The following SLC12A5 variants were observed in gnomAD, a reference collection of about 807,000 sequenced individuals.
SLC12A5 encodes solute carrier family 12 member 5.
SLC12A5 carries 18 observed loss-of-function variants against 124.0 expected under a neutral mutation model. That is an observed-to-expected ratio of 0.15 (90% CI 0.10 to 0.22). The LOEUF (loss-of-function observed/expected upper bound fraction) is 0.22, where lower values mean the gene tolerates loss of function less well. Ranked by LOEUF, SLC12A5 falls within the 10% of genes least tolerant of loss-of-function variation. The pLI is 1.00. For synonymous variants in SLC12A5, 589 were observed against 568.0 expected (o/e 1.04, Z -0.53); for missense variants, 867 against 1,478.7 (o/e 0.59, Z 6.78).
intron 11 of SLC12A5, chr20:46,044,660 G>C (rs946701712): frequency 1.0e-4 from 41 of 394,452 alleles, no homozygotes; most frequent in Non-Finnish European, 1.4e-4. Context: ...GGTGGTGTAG[G>C]AGGTCCTCTC....
At chr20:46,023,672 T>C (rs1174043122), downstream of SLC12A5, 2 of 387,218 alleles carry the variant, frequency 5.2e-6, no homozygotes, top group Non-Finnish European at 9.1e-6. Context: ...CTATTCGTTC[T>C]GTAAGTTATA....
chr20:46,044,621 T>A (rs926282692), intron 11 of SLC12A5: 41 of 298,282 alleles, frequency 1.4e-4, no homozygotes, highest in Non-Finnish European at 2.0e-4. Context: ...CACTCATGTC[T>A]GAAGGGCATG....
At chr20:46,043,123 C>T (rs760072552) in intron 8 of SLC12A5, 30 bp from the exon 9 acceptor site, 35 of 1,605,884 alleles carry the variant, frequency 2.2e-5, no homozygotes, top group Non-Finnish European at 4.3e-6. Flanking sequence ...TTATGGCTGG[C>T]CTCCCCCTGA....
chr20:46,035,065 C>A, intron 2 of SLC12A5, 23 bp downstream of exon 2: 1 of 1,606,212 alleles, frequency 6.2e-7, no homozygotes, highest in Non-Finnish European at 8.5e-7. Context: ...GGCTGTTGGG[C>A]CCCCACCTAC....
intron 20 of SLC12A5, 86 bp from the exon 21 acceptor site, chr20:46,054,830 C>T: frequency 3.3e-6 from 3 of 919,898 alleles, no homozygotes; most frequent in Admixed American, 2.0e-5. Context: ...CCTTCCTTCC[C>T]TTGGCCTTTC....
intron 8 of SLC12A5, 139 bp downstream of exon 8, chr20:46,041,679 G>A (rs1010215987): frequency 1.2e-6 from 1 of 855,752 alleles, no homozygotes; most frequent in Admixed American, 2.5e-5. Flanking sequence ...GTTACATTCT[G>A]TCCTTGGCAT....
At chr20:46,040,709 A>C (rs2084538380) in intron 7 of SLC12A5, 95 bp downstream of exon 7, 1 of 1,548,790 alleles carries the variant, frequency 6.5e-7, no homozygotes, top group Admixed American at 1.8e-5. Context: ...TGCCCCTCAG[A>C]ATCTCAGAGT....
chr20:46,040,331 C>A, intron 6 of SLC12A5, 42 bp from the exon 7 acceptor site: 1 of 1,607,514 alleles, frequency 6.2e-7, no homozygotes, highest in South Asian at 1.1e-5. Flanking sequence ...GTGCAAAGGG[C>A]TGCTGACTTA....
At chr20:46,031,098 C>T (rs1175991324) in intron 1 of SLC12A5, among the ~76,000 whole-genome samples, 2 of 152,232 alleles carry the variant, frequency 1.3e-5, no homozygotes, top group African/African-American at 4.8e-5. Flanking sequence ...TCTGTTCCCT[C>T]AGACACCAGG....
Position 46,056,423 on chromosome 20 carries a change from G to A in SLC12A5, c.2969G>A (p.Gly990Glu), listed in dbSNP as rs1212881804. The stretch of plus-strand genomic sequence containing the variant: ...TGCCCCAGCAGCTCCCCGTCCCCAG[G>A]GGAGGAGCCTGAGGGGGAAGGGGAG... ...PSCPSSSPSP[G>E]EEPEGEGETD... Residue 990 changes from glycine (G) to glutamate (E), a missense_variant, in exon 23 of 26, where the codon GGG (glycine) becomes GAG (glutamate). Transcript: ENST00000243964. This position sits in a 1 kb window ranked among gnomAD's most constrained non-coding sequence, Gnocchi z 4.3. 1 of 1,613,976 alleles carries A rather than the reference G, an allele frequency of 6.2e-7. No homozygotes were observed. The highest frequency in any genetic ancestry group is 1.1e-5 in the South Asian group (1 of 91,064).
rs541326529 is a variant in SLC12A5, at chr20:46,053,936, C to A, written c.2679+227C>A. Among the ~76,000 whole-genome samples the A allele has an allele frequency of 6.6e-6, 1 of 152,306 alleles. No homozygotes were observed. Among genetic ancestry groups the A allele is most frequent in the East Asian group, 1.9e-4 (1 of 5,186 alleles). ...CACTGTTCTATGCACTTTATATGTACATAAATTCCAACAACGACCAATGAG... is the reference window on the plus strand; with the variant it reads ...CACTGTTCTATGCACTTTATATGTAAATAAATTCCAACAACGACCAATGAG... On this transcript the variant is annotated intron_variant, in intron 20 of 25. Coordinates refer to ENST00000243964, the MANE Select transcript of SLC12A5 (RefSeq NM_020708.5). The surrounding 1 kb of genome is among the most constrained non-coding windows in gnomAD (Gnocchi z 4.7).
At chr20:46,021,795 GC>G, upstream of SLC12A5, 1 of 1,531,902 alleles carries the variant, frequency 6.5e-7, no homozygotes, top group East Asian at 2.5e-5. Context: ...TCACCTCGCT[GC>G]CCCCCGCAGG....
intron 13 of SLC12A5, 79 bp from the exon 14 acceptor site, chr20:46,046,259 C>G (rs1391474584): frequency 3.0e-6 from 4 of 1,332,866 alleles, no homozygotes; most frequent in Admixed American, 3.5e-5. Context: ...CCCTTTCCCC[C>G]TTTCTCTGCC....
rs774596447 is a variant in SLC12A5, at chr20:46,051,703, A to G, written c.2210A>G (p.Lys737Arg). 12 of 1,607,998 alleles carry G rather than the reference A, an allele frequency of 7.5e-6. No homozygotes were observed. In the African/African-American group the frequency reaches 1.2e-4, roughly 16 times the overall value. ...ESIRRLMEAE[K>R]VKGFCQVVIS... ...ATCAGGCGCCTGATGGAGGCAGAGA[A>G]GGTGAAGGGCTTCTGCCAGGTGGTG... Residue 737 changes from lysine to arginine, a missense_variant, in exon 18 of 26, where the codon AAG (lysine) becomes AGG (arginine). Lys to Arg is a conservative substitution (Grantham distance 26). Around this residue, in one of 9 missense-constraint regions of SLC12A5, gnomAD observed 110 missense variants for 149.9 expected, o/e 0.73. Coordinates refer to ENST00000243964, the MANE Select transcript of SLC12A5 (RefSeq NM_020708.5).
intron 20 of SLC12A5, among the ~76,000 whole-genome samples, chr20:46,054,173 C>T (rs1434549298): frequency 6.6e-6 from 1 of 152,204 alleles, no homozygotes. Flanking sequence ...ATGCTACAGA[C>T]TTATACAGCA....
At position 46,047,570 on chromosome 20, in the gene SLC12A5, G is replaced by T. The variant is rs746932137; in HGVS notation, c.1904G>T (p.Arg635Leu). The change falls in exon 15 of 26, where the codon CGT becomes CTT. Residue 635 changes from arginine to leucine, a missense_variant. Coordinates refer to ENST00000243964, the MANE Select transcript of SLC12A5 (RefSeq NM_020708.5). Reference sequence around the variant, plus strand: ...CTCATCTACAAGTACATTGAGTACCGTGGGTGAGTGTGGGGAGTGGAGGTT... The same window carrying T: ...CTCATCTACAAGTACATTGAGTACCTTGGGTGAGTGTGGGGAGTGGAGGTT... ...AGLIYKYIEY[R>L]GAEKEWGDGI... 1 of 1,613,348 alleles carries T rather than the reference G, an allele frequency of 6.2e-7. No homozygotes were observed. The highest frequency in any genetic ancestry group is 1.7e-5 in the Admixed American group (1 of 59,976).
At chr20:46,043,415 AC>A (rs770753774) in intron 9 of SLC12A5, 92 bp downstream of exon 9, 2 of 1,483,714 alleles carry the variant, frequency 1.3e-6, no homozygotes, top group Non-Finnish European at 1.8e-6. Flanking sequence ...TAGTCCAAAA[AC>A]CCCATCATGA....
Position 46,059,502 on chromosome 20 carries a change from G to C in SLC12A5, c.*1897G>C. The C allele has an allele frequency of 2.5e-6, 1 of 398,920 alleles. No homozygotes were observed. The allele number at this position is 398,920 out of a possible 1,614,324, so 24.7% of individuals were successfully genotyped here. A position where few individuals can be genotyped will look rare whatever the true frequency, so the allele number is the denominator to read the frequency against. On this transcript the variant is annotated 3_prime_UTR_variant, in exon 26 of 26. Transcript: ENST00000243964. ...ACACCACAGCCAGGTCCTGCCTTCT[G>C]GGGGCCTGAATATTCCAGAGCTGAT...
intron 1 of SLC12A5, chr20:46,022,866 A>G (rs1054956869): frequency 2.5e-6 from 1 of 393,976 alleles, no homozygotes; most frequent in Non-Finnish European, 4.5e-6. Context: ...GGCACTCATC[A>G]GGGGTCCTCT....
Sources: allele counts gnomAD v4.1 joint callset (sites outside exome capture counted in the v4.1 genomes callset), GRCh38; gene constraint gnomAD v4.1.1; regional missense constraint gnomAD v4.1.1; non-coding constraint Gnocchi (gnomAD v3.1); transcripts MANE v1.5; gene names NCBI Gene and HGNC (gene_info 2026-07-23, HGNC 2026-07-21).